The following STAT3 variants were observed in gnomAD, a reference collection of about 807,000 sequenced individuals.
STAT3 encodes the protein signal transducer and activator of transcription 3.
A neutral mutation model predicts 114.3 loss-of-function variants in STAT3; 7 were observed. That is an observed-to-expected ratio of 0.06 (90% CI 0.03 to 0.11). STAT3 has a LOEUF of 0.11. STAT3 is among the 10% of genes least tolerant of loss of function. The pLI is 1.00. For missense variants in STAT3, 364 were observed against 960.9 expected, an observed-to-expected ratio of 0.38 and a Z score of 8.21; for synonymous variants, 331 against 354.5, an observed-to-expected ratio of 0.93 and a Z score of 0.74.
intron 10 of STAT3, 71 bp from the exon 11 acceptor site, chr17:42,331,602 A>T: frequency 1.6e-6 from 2 of 1,270,886 alleles, no homozygotes; most frequent in South Asian, 2.4e-5. Flanking sequence ...GAAGAAATGT[A>T]AAATTCATAA....
chr17:42,342,293 G>A (rs1241565494), intron 4 of STAT3, among the ~76,000 whole-genome samples: 1 of 152,074 alleles, frequency 6.6e-6, no homozygotes, highest in African/African-American at 2.4e-5. Flanking sequence ...GACCAGCCTG[G>A]CCAATATGGT....
chr17:42,318,162 G>A (rs1182607623), intron 21 of STAT3, among the ~76,000 whole-genome samples: 1 of 150,826 alleles, frequency 6.6e-6, no homozygotes, highest in East Asian at 1.9e-4. Flanking sequence ...GCTCTCTTTC[G>A]CCCAGGTTGG....
At position 42,337,729 on chromosome 17, in the gene STAT3, C is replaced by T; in HGVS notation, c.645+34G>A. 1 of 1,613,860 alleles carries T rather than the reference C, an allele frequency of 6.2e-7. No individual in the cohort carries two copies. Among genetic ancestry groups the T allele is most frequent in the Non-Finnish European group, 8.5e-7 (1 of 1,179,744 alleles). ...GCTGAAATCCCGCAAGTGAGCGAGA[C>T]ACATGGGGGAAGTGGTCCGACCTAT... On this transcript the variant is annotated intron_variant, in intron 7 of 23. Coordinates refer to ENST00000264657, the MANE Select transcript of STAT3 (RefSeq NM_139276.3). The surrounding 1 kb of genome is among the most constrained non-coding windows in gnomAD (Gnocchi z 4.0).
At chr17:42,332,476 T>C (rs2082062118) in intron 10 of STAT3, among the ~76,000 whole-genome samples, 2 of 134,064 alleles carry the variant, frequency 1.5e-5, no homozygotes, top group South Asian at 4.7e-4. Context: ...AGGCAGAGGC[T>C]GCAGTGATCC....
In STAT3 at chr17:42,323,447, G is replaced by A. The variant is rs184879745; in HGVS notation, c.1654-93C>T. 2.4e-4 allele frequency: 378 copies of A among 1,558,560 alleles called. No homozygotes were observed. The African/African-American group carries it at 3.8e-3, about 15-fold the overall frequency. Reference sequence around the variant, plus strand: ...GTGCATCACCCAAATCCTCAGGCCCGTCTACCTTCAGGCAGGTCCTACTGG... The same window carrying A: ...GTGCATCACCCAAATCCTCAGGCCCATCTACCTTCAGGCAGGTCCTACTGG... On this transcript the variant is annotated intron_variant, in intron 18 of 23. Coordinates refer to ENST00000264657, the MANE Select transcript of STAT3 (RefSeq NM_139276.3).
chr17:42,383,679 T>C (rs377194923), intron 1 of STAT3, among the ~76,000 whole-genome samples: 10 of 152,338 alleles, frequency 6.6e-5, no homozygotes, highest in African/African-American at 2.4e-4. Flanking sequence ...CAATAAGGGC[T>C]GGGCCAGCCC....
chr17:42,371,914 C>T (rs141779413), intron 1 of STAT3, among the ~76,000 whole-genome samples: 3,710 of 151,870 alleles, frequency 0.024, 148 homozygotes, highest in African/African-American at 0.085. Flanking sequence ...AACTGGGAGG[C>T]GGAGGCTGCA....
chr17:42,384,856 T>C (rs1481024940), intron 1 of STAT3, among the ~76,000 whole-genome samples: 4 of 152,124 alleles, frequency 2.6e-5, no homozygotes, highest in Admixed American at 2.6e-4. Context: ...GCAAATTCTT[T>C]ACACCTATCA....
At position 42,326,110 on chromosome 17, in the gene STAT3, A is replaced by G. The variant is rs1486805173; in HGVS notation, c.1365+6T>C. On this transcript the variant is annotated splice_donor_region_variant and intron_variant, in intron 15 of 23. Coordinates refer to ENST00000264657, the MANE Select transcript of STAT3 (RefSeq NM_139276.3). ...AGCCTCTCACCGATTCTGCTGCAGAACTTACCTCTAGGTCAATCTTGAGGC... is the reference window on the plus strand; with the variant it reads ...AGCCTCTCACCGATTCTGCTGCAGAGCTTACCTCTAGGTCAATCTTGAGGC... 1.2e-6 allele frequency: 2 copies of G among 1,613,770 alleles called. No homozygotes were observed. Among genetic ancestry groups the G allele is most frequent in the Admixed American group, 1.7e-5 (1 of 59,996 alleles).
At chr17:42,356,543 T>G (rs577321555) in intron 1 of STAT3, among the ~76,000 whole-genome samples, 4 of 141,360 alleles carry the variant, frequency 2.8e-5, no homozygotes, top group African/African-American at 1.1e-4. Context: ...ATATATATTT[T>G]TTTTTTTTTA....
chr17:42,388,395 G>T lies in STAT3; in HGVS notation c.-140C>A, dbSNP rs528219097. ...CGAGGGGGAGAGACAGCGCCAAGCCGGGGTGCCTGTCCAGGATCCGGTTGG... is the reference window on the plus strand; with the variant it reads ...CGAGGGGGAGAGACAGCGCCAAGCCTGGGTGCCTGTCCAGGATCCGGTTGG... On this transcript the variant is annotated 5_prime_UTR_variant, in exon 1 of 24. Transcript: ENST00000264657. 4.1e-6 allele frequency: 5 copies of T among 1,231,666 alleles called. No homozygotes were observed. In the East Asian group the frequency reaches 1.6e-4, roughly 39 times the overall value. 76.3% of individuals were successfully genotyped at this position (1,231,666 alleles called of 1,614,324 possible). A position where few individuals can be genotyped will look rare whatever the true frequency, so the allele number is the denominator to read the frequency against.
chr17:42,350,115 A>G (rs1429197433), intron 1 of STAT3, among the ~76,000 whole-genome samples: 1 of 152,166 alleles, frequency 6.6e-6, no homozygotes, highest in Non-Finnish European at 1.5e-5. Context: ...AGATGAAGGT[A>G]TGTACAGACC....
At chr17:42,327,905 G>T (rs2081803171) in intron 14 of STAT3, among the ~76,000 whole-genome samples, 1 of 151,992 alleles carries the variant, frequency 6.6e-6, no homozygotes, top group Non-Finnish European at 1.5e-5. Flanking sequence ...AATTAGCCAG[G>T]CGTGGTGGCA....
At chr17:42,316,599 C>G (rs1317551063) in intron 23 of STAT3, 190 bp downstream of exon 23, 1 of 1,438,676 alleles carries the variant, frequency 7.0e-7, no homozygotes, top group Non-Finnish European at 9.4e-7. Flanking sequence ...TTAAGTTCGT[C>G]TATTTCCAGT....
At chr17:42,329,668 C>G (rs777883092) in intron 12 of STAT3, 21 bp from the exon 13 acceptor site, 1 of 1,614,020 alleles carries the variant, frequency 6.2e-7, no homozygotes. Flanking sequence ...GGGGAACAAT[C>G]AACTATGTAG....
Position 42,337,446 on chromosome 17 carries a change from C to A in STAT3, c.786G>T (p.Arg262=). 1.2e-6 allele frequency: 2 copies of A among 1,613,996 alleles called. No homozygotes were observed. Among genetic ancestry groups the A allele is most frequent in the South Asian group, 1.1e-5 (1 of 91,076 alleles). Residue 262 remains arginine (R), a synonymous_variant, in exon 8 of 24, where the codon CGG becomes CGT. Transcript: ENST00000264657. The surrounding 1 kb of genome is among the most constrained non-coding windows in gnomAD (Gnocchi z 4.0). ...CTTTCATCCTTTACCAGTTTTCTAG[C>A]CGATCTAGGCAGATGTTGGGCGGGC... The part of the protein sequence containing the change: ...IGGPPNICLD[R]LENWITSLAE...
chr17:42,382,071 C>A (rs1165822234), intron 1 of STAT3, among the ~76,000 whole-genome samples: 1 of 152,138 alleles, frequency 6.6e-6, no homozygotes, highest in Non-Finnish European at 1.5e-5. Flanking sequence ...TAAGCCTCTG[C>A]ACCCTCATGT....
intron 1 of STAT3, among the ~76,000 whole-genome samples, chr17:42,376,860 G>A (rs1007399945): frequency 4.0e-5 from 6 of 151,854 alleles, no homozygotes; most frequent in Admixed American, 2.0e-4. Flanking sequence ...AAAAAAAATT[G>A]GCGGTTTATG....
In STAT3 at chr17:42,339,350, C is replaced by T; in HGVS notation, c.432G>A (p.Leu144=). The change falls in exon 5 of 24, where the codon CTG becomes CTA. Residue 144 remains leucine, a synonymous_variant. Transcript: ENST00000264657. The stretch of plus-strand genomic sequence containing the variant: ...TCCGGACATCCTGAAGGTGCTGCTC[C>T]AGCATCTGCTGCTTCTCCGTCACCA... ...AAVVTEKQQM[L]EQHLQDVRKR... 1.9e-6 allele frequency: 3 copies of T among 1,614,122 alleles called. No individual in the cohort carries two copies. The highest frequency in any genetic ancestry group is 3.3e-5 in the Admixed American group (2 of 59,992).
Sources: gnomAD v4.1 joint callset for allele counts (sites outside exome capture counted in the v4.1 genomes callset) on GRCh38, gnomAD v4.1.1 for gene constraint, Gnocchi (gnomAD v3.1) non-coding constraint, MANE v1.5 for transcripts, NCBI Gene and HGNC (gene_info 2026-07-23, HGNC 2026-07-21) for gene names.